Variants in COL4A4 observed in about 807,000 individuals in gnomAD.
COL4A4 encodes collagen alpha-4(IV) chain.
A neutral mutation model predicts 192.9 loss-of-function variants in COL4A4; 105 were observed. That is an observed-to-expected ratio of 0.54 (90% CI 0.46 to 0.64). COL4A4 has a LOEUF of 0.64. COL4A4 is among the 30% of genes least tolerant of loss of function. The probability of loss-of-function intolerance (pLI) is 0.00; values close to 1 mark genes in which losing one functional copy is unlikely to be tolerated. For missense variants in COL4A4, 1,967 were observed against 2,169.3 expected (o/e 0.91, Z 1.85); for synonymous variants, 762 against 769.9 (o/e 0.99, Z 0.17).
In COL4A4 at chr2:227,036,082, A is replaced by G. The variant is rs117769018; in HGVS notation, c.3506-2601T>C. On this transcript the variant is annotated intron_variant, in intron 37 of 47. Transcript: ENST00000396625. ...ATATATACAGTGCAGATGAGAGGCAATTAGGCTAACAAAGCACATTTCTGG... is the reference window on the plus strand; with the variant it reads ...ATATATACAGTGCAGATGAGAGGCAGTTAGGCTAACAAAGCACATTTCTGG... 2.7e-4 allele frequency among the ~76,000 whole-genome samples: 41 copies of G among 152,358 alleles called. No individual in the cohort carries two copies. In the East Asian group the frequency reaches 7.5e-3, roughly 28 times the overall value.
intron 31 of COL4A4, among the ~76,000 whole-genome samples, chr2:227,053,131 C>T (rs1974497835): frequency 1.3e-5 from 2 of 151,808 alleles, no homozygotes; most frequent in Admixed American, 6.6e-5. Context: ...CCATCACTGG[C>T]GTTAGTCCAA....
intron 13 of COL4A4, 107 bp from the exon 14 acceptor site, chr2:227,103,304 A>G (rs1038687789): frequency 2.3e-6 from 2 of 874,838 alleles, no homozygotes; most frequent in African/African-American, 3.4e-5. Context: ...ACCTTAAAAA[A>G]AAAAATCTTA....
intron 31 of COL4A4, among the ~76,000 whole-genome samples, chr2:227,054,279 T>A (rs974431104): frequency 3.3e-5 from 5 of 152,116 alleles, no homozygotes; most frequent in African/African-American, 1.2e-4. Flanking sequence ...GAAACAGAGG[T>A]TGGAGAACAA....
the COL4A4 span, among the ~76,000 whole-genome samples, chr2:226,992,856 G>A: frequency 6.6e-6 from 1 of 152,182 alleles, no homozygotes; most frequent in African/African-American, 2.4e-5. Flanking sequence ...TGCTAGCTCA[G>A]TGACCTCAGA....
At chr2:227,034,107 T>C (rs1035853305) in intron 37 of COL4A4, among the ~76,000 whole-genome samples, 4 of 152,236 alleles carry the variant, frequency 2.6e-5, no homozygotes, top group African/African-American at 9.6e-5. Flanking sequence ...CGATGATCAC[T>C]GAAAACTCCC....
rs535761834 is a variant in COL4A4 at position 227,142,369 on chromosome 2, G to A, written c.115-2131C>T. Among the ~76,000 whole-genome samples, 82 of 152,148 alleles carry A rather than the reference G, an allele frequency of 5.4e-4. No individual in the cohort carries two copies. The South Asian group carries it at 0.013, about 25-fold the overall frequency. ...TCACTGGGAATACATTCACGCTCTCGGAAACTAATGTTACTCTTCTTCAAA... is the reference window on the plus strand; with the variant it reads ...TCACTGGGAATACATTCACGCTCTCAGAAACTAATGTTACTCTTCTTCAAA... On this transcript the variant is annotated intron_variant, in intron 3 of 47. Coordinates refer to ENST00000396625, the MANE Select transcript of COL4A4 (RefSeq NM_000092.5).
intron 17 of COL4A4, among the ~76,000 whole-genome samples, chr2:227,100,032 C>G (rs903613371): frequency 6.6e-6 from 1 of 152,162 alleles, no homozygotes; most frequent in African/African-American, 2.4e-5. Context: ...GCATCGATGA[C>G]AAATAGTTTA....
At position 227,055,952 on chromosome 2, in the gene COL4A4, A is replaced by T. The variant is rs2150234177; in HGVS notation, c.2709T>A (p.Gly903=). Residue 903 remains glycine, a synonymous_variant, in exon 30 of 48, where the codon GGT becomes GGA. Coordinates refer to ENST00000396625, the MANE Select transcript of COL4A4 (RefSeq NM_000092.5). Reference sequence around the variant, plus strand: ...GGAAAAAGCACTACCTACCCTTTGGACCTGGAGGACCAGGTAGCCCATCAT... The same window carrying T: ...GGAAAAAGCACTACCTACCCTTTGGTCCTGGAGGACCAGGTAGCCCATCAT... ...FGDDGLPGPP[G]PKGPRGLPGF... is the part of the protein sequence containing the mutation. 1 of 1,613,784 alleles carries T rather than the reference A, an allele frequency of 6.2e-7. No individual in the cohort carries two copies. The highest frequency in any genetic ancestry group is 8.5e-7 in the Non-Finnish European group (1 of 1,179,878).
intron 4 of COL4A4, 140 bp downstream of exon 4, chr2:227,140,021 T>A: frequency 1.4e-6 from 1 of 725,548 alleles, no homozygotes; most frequent in Non-Finnish European, 2.5e-6. Context: ...GCTATTAGAA[T>A]GTGAAAAACT....
chr2:226,995,213 G>C, the COL4A4 span, among the ~76,000 whole-genome samples: 2 of 152,200 alleles, frequency 1.3e-5, no homozygotes, highest in Non-Finnish European at 2.9e-5. Flanking sequence ...GCCTCAAAAT[G>C]AGTCAAATCA....
chr2:227,110,381 A>G (rs1475303908), intron 9 of COL4A4, among the ~76,000 whole-genome samples: 2 of 152,160 alleles, frequency 1.3e-5, no homozygotes, highest in Non-Finnish European at 2.9e-5. Flanking sequence ...TACAGGGCAA[A>G]ATTATAGCTT....
At chr2:227,146,562 C>T (rs1212952526) in intron 2 of COL4A4, among the ~76,000 whole-genome samples, 1 of 152,202 alleles carries the variant, frequency 6.6e-6, no homozygotes, top group East Asian at 1.9e-4. Context: ...ACCACACACT[C>T]AGAGGCTTAA....
Position 227,078,053 on chromosome 2 carries a change from C to CT in COL4A4, c.1827dup (p.Gly610ArgfsTer3). ...AGAGGTCCAGGAAATCCTTTACCACCTGGGGTCGCATCTTCATGATCCCCC... is the reference window on the plus strand; with the variant it reads ...AGAGGTCCAGGAAATCCTTTACCACCTTGGGGTCGCATCTTCATGATCCCCC... On this transcript the variant is annotated frameshift_variant, in exon 25 of 48. Coordinates refer to ENST00000396625, the MANE Select transcript of COL4A4 (RefSeq NM_000092.5). LOFTEE classifies it high-confidence loss of function. 1.2e-6 allele frequency: 2 copies of CT among 1,613,978 alleles called. No homozygotes were observed. The highest frequency in any genetic ancestry group is 2.2e-5 in the South Asian group (2 of 91,064).
chr2:227,066,413 G>T (rs1238058807), intron 25 of COL4A4, among the ~76,000 whole-genome samples: 2 of 151,642 alleles, frequency 1.3e-5, no homozygotes, highest in Non-Finnish European at 3.0e-5. Context: ...ACACATAATT[G>T]TCAGATTCAC....
At chr2:227,009,091 T>C (rs1003279051) in intron 46 of COL4A4, among the ~76,000 whole-genome samples, 1 of 152,192 alleles carries the variant, frequency 6.6e-6, no homozygotes, top group African/African-American at 2.4e-5. Flanking sequence ...TAAACATCAC[T>C]TCCTCCTTTC....
chr2:227,118,660 G>A lies in COL4A4; in HGVS notation c.474C>T (p.Gly158=). Residue 158 remains glycine, a synonymous_variant, in exon 7 of 48, where the codon GGC becomes GGT. Transcript: ENST00000396625. ...GGTATCTTACTAGGGGGCCTCCTGG[G>A]CCAAGAGCTCCTCTTCCTCCTGGAA... The part of the protein sequence containing the change: ...PGFPGGRGAL[G]PGGPLGHPGE... 4 of 1,613,334 alleles carry A rather than the reference G, an allele frequency of 2.5e-6. No individual in the cohort carries two copies. The highest frequency in any genetic ancestry group is 1.3e-5 in the African/African-American group (1 of 75,028).
At chr2:227,019,035 G>T (rs1965480286) in intron 44 of COL4A4, among the ~76,000 whole-genome samples, 2 of 152,186 alleles carry the variant, frequency 1.3e-5, no homozygotes, top group African/African-American at 4.8e-5. Context: ...AGCCACCACA[G>T]TGGGTGACCC....
At chr2:227,051,522 C>T (rs1258089525) in intron 32 of COL4A4, among the ~76,000 whole-genome samples, 1 of 152,168 alleles carries the variant, frequency 6.6e-6, no homozygotes, top group East Asian at 1.9e-4. Context: ...TGGAGGAGCA[C>T]ACAAATGGGG....
At chr2:227,088,851 T>C in intron 21 of COL4A4, 35 bp from the exon 22 acceptor site, 1 of 1,612,872 alleles carries the variant, frequency 6.2e-7, no homozygotes, top group Non-Finnish European at 8.5e-7. Flanking sequence ...TTGTCATATT[T>C]CCTGAATAAA....
Sources: allele counts gnomAD v4.1 joint callset (sites outside exome capture counted in the v4.1 genomes callset), GRCh38; gene constraint gnomAD v4.1.1; transcripts MANE v1.5; gene names NCBI Gene and HGNC (gene_info 2026-07-23, HGNC 2026-07-21).